The following PSCA variants were observed in gnomAD, a reference collection of about 807,000 sequenced individuals.
The protein encoded by PSCA is prostate stem cell antigen.
PSCA carries 7 observed loss-of-function variants against 7.9 expected under a neutral mutation model. That is an observed-to-expected ratio of 0.89 (90% confidence interval 0.51 to 1.67). PSCA has a LOEUF of 1.67. PSCA is among the 40% of genes most tolerant of loss of function. The pLI is 0.00. For missense variants in PSCA, 151 were observed against 147.9 expected (o/e 1.02, Z -0.11); for synonymous variants, 61 against 68.3 (o/e 0.89, Z 0.53).
exon 1 of PSCA, chr8:142,670,362 C>T (rs1316384021): frequency 6.6e-6 from 1 of 152,338 alleles, no homozygotes; most frequent in Non-Finnish European, 1.5e-5. Flanking sequence ...GGGGCAGCCA[C>T]AGGCGCCCAG....
At chr8:142,681,301 G>A (rs1554638269) in intron 1 of PSCA, 26 bp from the exon 2 acceptor site, 1 of 1,534,320 alleles carries the variant, frequency 6.5e-7, no homozygotes. Context: ...GGCAGCCTCT[G>A]AGGCCCCTCC....
chr8:142,678,093 T>C (rs191997428), upstream of PSCA, among the ~76,000 whole-genome samples: 152 of 152,154 alleles, frequency 1.0e-3, no homozygotes, highest in African/African-American at 3.3e-3. Context: ...CCCAGAAACA[T>C]CTACCAGCCT....
chr8:142,679,139 C>T (rs1847433012), upstream of PSCA, among the ~76,000 whole-genome samples: 1 of 152,248 alleles, frequency 6.6e-6, no homozygotes, highest in Non-Finnish European at 1.5e-5. Context: ...CCTGTGGGAG[C>T]TGGACCAGCC....
chr8:142,671,818 C>T (rs1285943614), intron 1 of PSCA, among the ~76,000 whole-genome samples: 1 of 152,120 alleles, frequency 6.6e-6, no homozygotes, highest in Non-Finnish European at 1.5e-5. Context: ...AGGCACGAGC[C>T]CATGTGCCAG....
upstream of PSCA, among the ~76,000 whole-genome samples, chr8:142,679,125 C>T (rs151206970): frequency 1.3e-3 from 202 of 152,384 alleles, no homozygotes; most frequent in African/African-American, 4.7e-3. Flanking sequence ...TCTCTCATCT[C>T]CTGCCTGTGG....
chr8:142,681,444 G>C lies in PSCA; in HGVS notation c.133+10G>C, dbSNP rs587646398. The C allele has an allele frequency of 1.0e-5, 16 of 1,579,304 alleles. No homozygotes were observed. The East Asian group carries it at 3.3e-4, about 32-fold the overall frequency. On this transcript the variant is annotated intron_variant, in intron 2 of 2. Transcript: ENST00000301258. ...TGGACCGCGCGCATCCGTGAGTGGG[G>C]GGACGACAGCCGCCAGGCCTAGGTC...
chr8:142,676,715 T>G (rs1394712021), upstream of PSCA: 1 of 152,244 alleles, frequency 6.6e-6, no homozygotes, highest in Non-Finnish European at 1.5e-5. Flanking sequence ...AGGGGGTTCA[T>G]TTTGACCCCT....
chr8:142,681,647 T>C, intron 2 of PSCA: 2 of 618,128 alleles, frequency 3.2e-6, no homozygotes, highest in Non-Finnish European at 5.8e-6. Context: ...CCATCCTCCA[T>C]CTTCCACTCC....
At chr8:142,681,499 C>T in intron 2 of PSCA, 65 bp downstream of exon 2, 1 of 1,379,292 alleles carries the variant, frequency 7.3e-7, no homozygotes, top group Non-Finnish European at 1.0e-6. Context: ...TCTTTCTGGC[C>T]ATCTGTCCGC....
At position 142,681,373 on chromosome 8, in the gene PSCA, G is replaced by C. The variant is rs781984486; in HGVS notation, c.72G>C (p.Glu24Asp). The change falls in exon 2 of 3, where the codon GAG (glutamate) becomes GAC (aspartate). Residue 24 changes from glutamate (E) to aspartate (D), a missense_variant. Coordinates refer to ENST00000301258, the MANE Select transcript of PSCA (RefSeq NM_005672.5). ...CCTGCAAAGCCCAGGTGAGCAACGA[G>C]GACTGCCTGCAGGTGGAGAACTGCA... is the stretch of plus-strand genomic sequence containing the variant. ...CYSCKAQVSN[E>D]DCLQVENCTQ... 1 of 1,588,356 alleles carries C rather than the reference G, an allele frequency of 6.3e-7. No homozygotes were observed. Among genetic ancestry groups the C allele is most frequent in the Non-Finnish European group, 8.6e-7 (1 of 1,167,530 alleles).
intron 1 of PSCA, among the ~76,000 whole-genome samples, chr8:142,674,201 C>A (rs1045131601): frequency 2.0e-5 from 3 of 149,172 alleles, no homozygotes; most frequent in African/African-American, 7.5e-5. Flanking sequence ...AGCTCAGATC[C>A]CCCATCTTCC....
rs782237650 is a variant in PSCA at position 142,681,968 on chromosome 8, T to C, written c.181T>C (p.Cys61Arg). 6 of 1,600,802 alleles carry C rather than the reference T, an allele frequency of 3.7e-6. No individual in the cohort carries two copies. In the Admixed American group the frequency reaches 6.9e-5, roughly 18 times the overall value. ...CATCAGCAAAGGCTGCAGCTTGAACTGCGTGGATGACTCACAGGACTACTA... is the reference window on the plus strand; with the variant it reads ...CATCAGCAAAGGCTGCAGCTTGAACCGCGTGGATGACTCACAGGACTACTA... ...TVISKGCSLN[C>R]VDDSQDYYVG... Residue 61 changes from cysteine (C) to arginine (R), a missense_variant, in exon 3 of 3, where the codon TGC becomes CGC. Coordinates refer to ENST00000301258, the MANE Select transcript of PSCA (RefSeq NM_005672.5).
At chr8:142,678,923 G>T (rs1847429555), upstream of PSCA, among the ~76,000 whole-genome samples, 1 of 151,144 alleles carries the variant, frequency 6.6e-6, no homozygotes, top group East Asian at 2.0e-4. Context: ...GCCTGGGCCT[G>T]CTCTAGAGGG....
At chr8:142,671,216 T>C (rs1030950105) in intron 1 of PSCA, among the ~76,000 whole-genome samples, 11 of 152,022 alleles carry the variant, frequency 7.2e-5, no homozygotes, top group African/African-American at 2.2e-4. Context: ...GGAAGCCAAG[T>C]GAGAGGACAA....
At chr8:142,678,648 C>G (rs1563804349), upstream of PSCA, among the ~76,000 whole-genome samples, 1 of 151,960 alleles carries the variant, frequency 6.6e-6, no homozygotes, top group African/African-American at 2.4e-5. Context: ...CCACCACCAC[C>G]CAGCCACTGG....
Position 142,681,988 on chromosome 8 carries a change from C to G in PSCA, c.201C>G (p.Asp67Glu). The change falls in exon 3 of 3, where the codon GAC (aspartate) becomes GAG (glutamate). Residue 67 changes from aspartate to glutamate, a missense_variant. Asp to Glu is a conservative substitution (Grantham distance 45). Coordinates refer to ENST00000301258, the MANE Select transcript of PSCA (RefSeq NM_005672.5). ...CSLNCVDDSQDYYVGKKNITC... is the reference protein window; with the variant it reads ...CSLNCVDDSQEYYVGKKNITC... ...TGAACTGCGTGGATGACTCACAGGA[C>G]TACTACGTGGGCAAGAAGAACATCA... 1 of 1,610,426 alleles carries G rather than the reference C, an allele frequency of 6.2e-7. No individual in the cohort carries two copies. The highest frequency in any genetic ancestry group is 8.5e-7 in the Non-Finnish European group (1 of 1,178,446).
upstream of PSCA, among the ~76,000 whole-genome samples, chr8:142,678,640 A>G (rs1365968761): frequency 2.0e-5 from 3 of 152,046 alleles, no homozygotes; most frequent in Non-Finnish European, 2.9e-5. Flanking sequence ...AGCCACTGCC[A>G]CCACCACCCA....
chr8:142,681,433 C>A lies in PSCA; in HGVS notation c.132C>A (p.Ile44=). The part of the protein sequence containing the change: ...QLGEQCWTAR[I]RAVGLLTVIS... ...GGGAGCAGTGCTGGACCGCGCGCATCCGTGAGTGGGGGGACGACAGCCGCC... is the reference window on the plus strand; with the variant it reads ...GGGAGCAGTGCTGGACCGCGCGCATACGTGAGTGGGGGGACGACAGCCGCC... Residue 44 remains isoleucine (I), a splice_region_variant and synonymous_variant, in exon 2 of 3, where the codon ATC becomes ATA. Transcript: ENST00000301258. 1 of 1,586,180 alleles carries A rather than the reference C, an allele frequency of 6.3e-7. No individual in the cohort carries two copies. The highest frequency in any genetic ancestry group is 8.6e-7 in the Non-Finnish European group (1 of 1,166,666).
Position 142,682,554 on chromosome 8 carries a change from T to C in PSCA, c.*422T>C, listed in dbSNP as rs587675565. 1 of 422,446 alleles carries C rather than the reference T, an allele frequency of 2.4e-6. No homozygotes were observed. Among genetic ancestry groups the C allele is most frequent in the East Asian group, 6.7e-5 (1 of 14,924 alleles). 26.2% of individuals were successfully genotyped at this position (422,446 alleles called of 1,614,324 possible). A position where few individuals can be genotyped will look rare whatever the true frequency, so the allele number is the denominator to read the frequency against. On this transcript the variant is annotated 3_prime_UTR_variant, in exon 3 of 3. Transcript: ENST00000301258. ...CAGGAGGGCCCGGTAAAGGCTGAGA[T>C]GAAGTGGACTGAGTAGAACTGGAGG...
Sources: gnomAD v4.1 joint callset for allele counts (sites outside exome capture counted in the v4.1 genomes callset) on GRCh38, gnomAD v4.1.1 for gene constraint, MANE v1.5 for transcripts, NCBI Gene and HGNC (gene_info 2026-07-23, HGNC 2026-07-21) for gene names.